SLC2A9: variants seen among roughly 807,000 people sequenced by gnomAD.
SLC2A9 encodes the protein solute carrier family 2, facilitated glucose transporter member 9.
A neutral mutation model predicts 50.6 loss-of-function variants in SLC2A9; 39 were observed. That is an observed-to-expected ratio of 0.77 (90% CI 0.60 to 1.01). SLC2A9 has a LOEUF of 1.01. Among genes scored for constraint, SLC2A9 ranks in the 50% least tolerant of loss-of-function variants. The pLI is 0.00. For missense variants in SLC2A9, 686 were observed against 677.6 expected (o/e 1.01, Z -0.14); for synonymous variants, 324 against 276.9 (o/e 1.17, Z -1.69).
chr4:9,990,855 T>C (rs888199802), intron 3 of SLC2A9, among the ~76,000 whole-genome samples: 1 of 152,216 alleles, frequency 6.6e-6, no homozygotes, highest in African/African-American at 2.4e-5. Context: ...CTTAGAAGAC[T>C]AGTCAAGTCT....
chr4:9,879,586 G>A, intron 10 of SLC2A9: 1 of 985,374 alleles, frequency 1.0e-6, no homozygotes, highest in Non-Finnish European at 1.2e-6. Flanking sequence ...ATGTGCTGAG[G>A]CATCTTCCAT....
At chr4:9,813,447 T>A (rs1416469077) in intron 3 of SLC2A9, among the ~76,000 whole-genome samples, 1 of 152,220 alleles carries the variant, frequency 6.6e-6, no homozygotes, top group Non-Finnish European at 1.5e-5. Context: ...GCAGCTCACA[T>A]CTGCATCTGC....
chr4:9,854,361 A>G (rs909426672), intron 10 of SLC2A9, among the ~76,000 whole-genome samples: 1 of 152,088 alleles, frequency 6.6e-6, no homozygotes, highest in Non-Finnish European at 1.5e-5. Context: ...CACTGAGAAG[A>G]AACTGATAAA....
chr4:9,968,084 G>A (rs1404162040), intron 5 of SLC2A9, among the ~76,000 whole-genome samples: 1 of 152,126 alleles, frequency 6.6e-6, no homozygotes, highest in Non-Finnish European at 1.5e-5. Flanking sequence ...AAATTTACAA[G>A]AAGTTCTGAT....
chr4:9,987,838 G>A (rs1484048968), intron 3 of SLC2A9, among the ~76,000 whole-genome samples: 2 of 151,994 alleles, frequency 1.3e-5, no homozygotes, highest in Admixed American at 1.3e-4. Flanking sequence ...GAAAAAAAAA[G>A]AAAAGAAAAA....
At chr4:9,832,789 C>G (rs1726386811) in intron 11 of SLC2A9, among the ~76,000 whole-genome samples, 1 of 152,182 alleles carries the variant, frequency 6.6e-6, no homozygotes, top group Admixed American at 6.5e-5. Context: ...GATACAGGCA[C>G]TACCTCCTAG....
At chr4:9,921,385 G>A (rs1276663704) in intron 6 of SLC2A9, among the ~76,000 whole-genome samples, 2 of 152,150 alleles carry the variant, frequency 1.3e-5, no homozygotes, top group African/African-American at 4.8e-5. Context: ...ATCCCGGAAA[G>A]CACAATAATC....
intron 8 of SLC2A9, among the ~76,000 whole-genome samples, chr4:9,897,702 C>T (rs933267288): frequency 1.3e-5 from 2 of 152,062 alleles, no homozygotes; most frequent in African/African-American, 4.8e-5. Context: ...GCCTGGCCAA[C>T]ATGATGAAAC....
intron 1 of SLC2A9, 111 bp downstream of exon 1, chr4:10,021,169 A>AT (rs1763461600): frequency 8.6e-7 from 1 of 1,164,986 alleles, no homozygotes; most frequent in African/African-American, 1.5e-5. Flanking sequence ...AAAGCCCCAG[A>AT]TCCCCCAGCT....
At chr4:10,014,924 T>C (rs984710655) in intron 2 of SLC2A9, among the ~76,000 whole-genome samples, 3 of 152,200 alleles carry the variant, frequency 2.0e-5, no homozygotes, top group African/African-American at 4.8e-5. Context: ...AGAGGTTACA[T>C]GACCCCAAAC....
In SLC2A9 at chr4:9,996,866, G is replaced by A. The variant is rs777957493; in HGVS notation, c.325C>T (p.Leu109Phe). 1 of 1,614,186 alleles carries A rather than the reference G, an allele frequency of 6.2e-7. No homozygotes were observed. Among genetic ancestry groups the A allele is most frequent in the Non-Finnish European group, 8.5e-7 (1 of 1,180,000 alleles). Reference sequence around the variant, plus strand: ...AATATGGACACAGTCACAGACCAGAGCAAAGTCAGAGTGTCTGGGTCTATT... The same window carrying A: ...AATATGGACACAGTCACAGACCAGAACAAAGTCAGAGTGTCTGGGTCTATT... ...RPIDPDTLTL[L>F]WSVTVSIFAI... Residue 109 changes from leucine (L) to phenylalanine (F), a missense_variant, in exon 3 of 12, where the codon CTC (leucine) becomes TTC (phenylalanine). By Grantham distance (22) the Leu-to-Phe change is conservative. Coordinates refer to ENST00000264784, the MANE Select transcript of SLC2A9 (RefSeq NM_020041.3).
intron 11 of SLC2A9, among the ~76,000 whole-genome samples, chr4:9,833,658 G>C (rs960376822): frequency 5.3e-5 from 8 of 152,218 alleles, no homozygotes; most frequent in African/African-American, 1.9e-4. Context: ...CTGACCTTTG[G>C]CTCACCCAAG....
intron 3 of SLC2A9, among the ~76,000 whole-genome samples, chr4:9,815,538 G>A (rs1723457439): frequency 6.6e-6 from 1 of 152,222 alleles, no homozygotes; most frequent in Non-Finnish European, 1.5e-5. Flanking sequence ...AAGTTCCCTG[G>A]CCTGTGCCGT....
intron 9 of SLC2A9, among the ~76,000 whole-genome samples, chr4:9,888,350 G>A (rs966939986): frequency 6.6e-6 from 1 of 151,616 alleles, no homozygotes; most frequent in Admixed American, 6.6e-5. Flanking sequence ...CTTAAAAGAA[G>A]TTATCTTAGT....
intron 7 of SLC2A9, among the ~76,000 whole-genome samples, chr4:9,911,658 G>A (rs547016345): frequency 2.0e-5 from 3 of 152,340 alleles, no homozygotes; most frequent in Admixed American, 1.3e-4. Flanking sequence ...CATGACCTGC[G>A]TGACCGCAGG....
At chr4:9,964,969 T>C (rs7658170) in intron 5 of SLC2A9, among the ~76,000 whole-genome samples, 73,500 of 152,044 alleles carry the variant, frequency 0.48, 19,129 homozygotes, top group African/African-American at 0.67. Flanking sequence ...GAGCTTTTCA[T>C]CTGTAAAATA....
chr4:9,786,500 A>C (rs1719239628), intron 3 of SLC2A9, among the ~76,000 whole-genome samples: 1 of 152,206 alleles, frequency 6.6e-6, no homozygotes, highest in Non-Finnish European at 1.5e-5. Flanking sequence ...ACAGCTATAC[A>C]ACAGCAGATC....
chr4:9,922,503 T>C (rs1744119538), intron 6 of SLC2A9, among the ~76,000 whole-genome samples: 1 of 152,204 alleles, frequency 6.6e-6, no homozygotes, highest in South Asian at 2.1e-4. Flanking sequence ...TCTGATCTTT[T>C]CTTAAAGCTT....
intron 1 of SLC2A9, among the ~76,000 whole-genome samples, chr4:9,774,038 A>T (rs984937495): frequency 1.4e-5 from 2 of 141,516 alleles, no homozygotes; most frequent in African/African-American, 5.2e-5. Flanking sequence ...CTCATCTCCC[A>T]GGCTGGAGTG....
Sources: gnomAD v4.1 joint callset for allele counts (sites outside exome capture counted in the v4.1 genomes callset) on GRCh38, gnomAD v4.1.1 for gene constraint, MANE v1.5 for transcripts, NCBI Gene and HGNC (gene_info 2026-07-23, HGNC 2026-07-21) for gene names.